Variants in RAF1 observed in about 807,000 individuals in gnomAD.
The protein encoded by RAF1 is RAF proto-oncogene serine/threonine-protein kinase.
RAF1 carries 27 observed loss-of-function variants against 81.1 expected under a neutral mutation model. That is an observed-to-expected ratio of 0.33 (90% CI 0.25 to 0.46). The LOEUF (loss-of-function observed/expected upper bound fraction) is 0.46, where lower values mean the gene tolerates loss of function less well. Ranked by LOEUF, RAF1 falls within the 20% of genes least tolerant of loss-of-function variation. RAF1 has a pLI of 1.00. For missense variants in RAF1, 598 were observed against 826.0 expected, an observed-to-expected ratio of 0.72 and a Z score of 3.38; for synonymous variants, 298 against 294.0, an observed-to-expected ratio of 1.01 and a Z score of -0.14.
chr3:12,593,122 G>C (rs1575549547), intron 11 of RAF1, among the ~76,000 whole-genome samples: 1 of 147,330 alleles, frequency 6.8e-6, no homozygotes, highest in East Asian at 2.0e-4. Context: ...ATGGAGACTC[G>C]CTCTGTTACC....
intron 1 of RAF1, among the ~76,000 whole-genome samples, chr3:12,645,801 C>T (rs189413059): frequency 1.9e-3 from 291 of 152,188 alleles, no homozygotes; most frequent in African/African-American, 5.6e-3. Context: ...TCTCGAACTC[C>T]TGGCCTCAAG....
At chr3:12,590,473 T>C in intron 13 of RAF1, 1 of 311,296 alleles carries the variant, frequency 3.2e-6, no homozygotes, top group Non-Finnish European at 6.4e-6. Flanking sequence ...TATAGGCATG[T>C]GCCACCAGAC....
At chr3:12,617,121 A>T (rs890468915) in intron 2 of RAF1, among the ~76,000 whole-genome samples, 18 of 150,672 alleles carry the variant, frequency 1.2e-4, no homozygotes, top group African/African-American at 4.4e-4. Flanking sequence ...TTTTGTTGTT[A>T]TTTCTTTTTT....
At chr3:12,610,227 T>C (rs1280285948) in intron 3 of RAF1, among the ~76,000 whole-genome samples, 1 of 152,200 alleles carries the variant, frequency 6.6e-6, no homozygotes, top group African/African-American at 2.4e-5. Flanking sequence ...ATAACATGTA[T>C]AGCACCATTC....
At chr3:12,592,619 A>G (rs73130325) in intron 11 of RAF1, among the ~76,000 whole-genome samples, 1,579 of 151,970 alleles carry the variant, frequency 0.01, 20 homozygotes, top group African/African-American at 0.036. Context: ...TTGCTATTCT[A>G]CCTATAACAC....
chr3:12,590,604 G>A (rs932007906), intron 13 of RAF1, 194 bp downstream of exon 12: 1 of 647,948 alleles, frequency 1.5e-6, no homozygotes, highest in Non-Finnish European at 2.7e-6. Context: ...GGGATTACAG[G>A]TGTGAGCCAC....
chr3:12,593,171 A>G (rs1425915924), intron 11 of RAF1, among the ~76,000 whole-genome samples: 1 of 139,588 alleles, frequency 7.2e-6, no homozygotes, highest in Non-Finnish European at 1.6e-5. Flanking sequence ...GCTCACTGCA[A>G]CCTCCGCAAG....
rs1438827623 is a variant in RAF1 at position 12,618,663 on chromosome 3, G to A, written c.59C>T (p.Ala20Val). The change falls in exon 2 of 18, where the codon GCC (alanine) becomes GTC (valine). Residue 20 changes from alanine (A) to valine (V), a missense_variant. Physicochemically the swap from Ala to Val is moderately conservative, Grantham distance 64. This residue lies in a region of RAF1 where 83 missense variants were observed against 72.3 expected (regional missense o/e 1.15). Transcript: ENST00000442415. ...GATGCAGCTGGAGCCATCAAACACGGCATCTTTGAATCCAAAACCATTGCT... is the reference window on the plus strand; with the variant it reads ...GATGCAGCTGGAGCCATCAAACACGACATCTTTGAATCCAAAACCATTGCT... 1 of 1,614,166 alleles carries A rather than the reference G, an allele frequency of 6.2e-7. No individual in the cohort carries two copies. Among genetic ancestry groups the A allele is most frequent in the Non-Finnish European group, 8.5e-7 (1 of 1,180,040 alleles).
At position 12,642,671 on chromosome 3, in the gene RAF1, T is replaced by TACACACACACACACAC. The variant is rs71063856; in HGVS notation, c.-27+21126_-27+21141dup. On this transcript the variant is annotated intron_variant, in intron 1 of 17. Transcript: ENST00000442415. The stretch of plus-strand genomic sequence containing the variant: ...AGACAACACAGGGAGACACCATCTC[T>TACACACACACACACAC]ACACACACACACACACACACACACA... Among the ~76,000 whole-genome samples, 133 of 117,048 alleles carry TACACACACACACACAC rather than the reference T, an allele frequency of 1.1e-3. 1 individual carries two copies. Among genetic ancestry groups the TACACACACACACACAC allele is most frequent in the Middle Eastern group, 4.3e-3 (1 of 230 alleles). 76.8% of individuals were successfully genotyped at this position (117,048 alleles called of 152,430 possible).
chr3:12,653,169 C>T (rs143938203), intron 1 of RAF1, among the ~76,000 whole-genome samples: 73 of 151,984 alleles, frequency 4.8e-4, no homozygotes, highest in African/African-American at 1.7e-3. Flanking sequence ...GTAATCCTAG[C>T]TACTTGGGAG....
intron 7 of RAF1, chr3:12,603,642 G>C: frequency 1.7e-6 from 1 of 579,974 alleles, no homozygotes; most frequent in South Asian, 2.2e-5. Context: ...TAAACCAATA[G>C]GACATAACCA....
At chr3:12,638,242 A>G (rs2060085773) in intron 1 of RAF1, among the ~76,000 whole-genome samples, 1 of 152,206 alleles carries the variant, frequency 6.6e-6, no homozygotes, top group African/African-American at 2.4e-5. Flanking sequence ...TTATTTACTG[A>G]ATGAGTAACA....
intron 14 of RAF1, 73 bp downstream of exon 13, chr3:12,587,518 G>A: frequency 7.3e-7 from 1 of 1,378,566 alleles, no homozygotes; most frequent in East Asian, 2.3e-5. Flanking sequence ...AGCCACTTGT[G>A]ATAGAAAGCC....
chr3:12,606,541 TTC>T (rs1413951563), intron 5 of RAF1, among the ~76,000 whole-genome samples: 1 of 152,110 alleles, frequency 6.6e-6, no homozygotes, highest in African/African-American at 2.4e-5. Context: ...TGTGTGCTTT[TTC>T]TTTTTCTTTT....
intron 1 of RAF1, among the ~76,000 whole-genome samples, chr3:12,618,993 C>CCCAGCACTTTGGGAGGCCGAGGTGGGT (rs1165780451): frequency 2.0e-5 from 3 of 152,282 alleles, no homozygotes; most frequent in African/African-American, 7.2e-5. Context: ...CGCCTGTAAT[C>CCCAGCACTTTGGGAGGCCGAGGTGGGT]CCAGCACTTT....
intron 1 of RAF1, among the ~76,000 whole-genome samples, chr3:12,643,729 T>A (rs1575654638): frequency 2.0e-5 from 3 of 146,878 alleles, no homozygotes. Flanking sequence ...AGAGCAAAAC[T>A]CTGTCTCAAA....
intron 1 of RAF1, among the ~76,000 whole-genome samples, chr3:12,651,290 A>G (rs967028150): frequency 6.6e-6 from 1 of 152,144 alleles, no homozygotes; most frequent in Non-Finnish European, 1.5e-5. Context: ...ATCTCATACC[A>G]ATATATATAG....
intron 1 of RAF1, among the ~76,000 whole-genome samples, chr3:12,635,090 C>T (rs530066657): frequency 1.3e-5 from 2 of 152,064 alleles, no homozygotes; most frequent in African/African-American, 4.8e-5. Context: ...CTATGGGAAG[C>T]CAAGGTGGGT....
At chr3:12,626,710 T>A (rs1441798504) in intron 1 of RAF1, among the ~76,000 whole-genome samples, 2 of 151,810 alleles carry the variant, frequency 1.3e-5, no homozygotes, top group African/African-American at 4.8e-5. Flanking sequence ...AATGATAAAG[T>A]TTTTTTTGTT....
Sources: allele counts gnomAD v4.1 joint callset (sites outside exome capture counted in the v4.1 genomes callset), GRCh38; gene constraint gnomAD v4.1.1; regional missense constraint gnomAD v4.1.1; transcripts MANE v1.5; gene names NCBI Gene and HGNC (gene_info 2026-07-23, HGNC 2026-07-21).